PRKN: variants seen among roughly 807,000 people sequenced by gnomAD.
The protein encoded by PRKN is parkin RBR E3 ubiquitin protein ligase, also known as E3 ubiquitin-protein ligase parkin.
Under a neutral mutation model 59.5 loss-of-function variants are expected in PRKN, and 56 were observed. The observed-to-expected ratio is 0.94, with a 90% CI of 0.76 to 1.18. The LOEUF (loss-of-function observed/expected upper bound fraction) is 1.18, where lower values mean the gene tolerates loss of function less well. PRKN is among the 50% of genes most tolerant of loss of function. PRKN has a pLI of 0.00. For synonymous variants in PRKN, 250 were observed against 222.1 expected (o/e 1.13, Z -1.12); for missense variants, 657 against 596.4 (o/e 1.10, Z -1.06).
intron 4 of PRKN, among the ~76,000 whole-genome samples, chr6:162,106,443 A>G (rs1251840751): frequency 6.7e-6 from 1 of 149,018 alleles, no homozygotes; most frequent in Non-Finnish European, 1.5e-5. Flanking sequence ...GAAAGCATGT[A>G]TTACATCCAT....
intron 1 of PRKN, among the ~76,000 whole-genome samples, chr6:162,451,807 C>A (rs1182728836): frequency 1.3e-5 from 2 of 151,782 alleles, no homozygotes; most frequent in African/African-American, 4.8e-5. Flanking sequence ...AAGAATGGGG[C>A]AGAAAAATTT....
At chr6:162,304,436 C>T (rs980013780) in intron 2 of PRKN, among the ~76,000 whole-genome samples, 1 of 150,812 alleles carries the variant, frequency 6.6e-6, no homozygotes, top group East Asian at 1.9e-4. Flanking sequence ...AAACATACTT[C>T]TTGGAACCAA....
intron 4 of PRKN, among the ~76,000 whole-genome samples, chr6:162,148,825 T>C (rs1782138226): frequency 6.6e-6 from 1 of 152,132 alleles, no homozygotes; most frequent in African/African-American, 2.4e-5. Flanking sequence ...CAAGGATGGG[T>C]AGAAATTGAA....
chr6:161,916,819 G>A (rs990692719), intron 6 of PRKN, among the ~76,000 whole-genome samples: 2 of 151,556 alleles, frequency 1.3e-5, no homozygotes, highest in Admixed American at 1.3e-4. Context: ...TTTTTTTTGA[G>A]GCGGAGTCGC....
intron 4 of PRKN, among the ~76,000 whole-genome samples, chr6:162,103,402 TA>T (rs928579428): frequency 6.6e-6 from 1 of 152,040 alleles, no homozygotes; most frequent in Admixed American, 6.6e-5. Flanking sequence ...CAATGTAATT[TA>T]AAATAGGAAG....
rs193169754 is a variant in PRKN at position 161,533,004 on chromosome 6, C to G, written c.1083+15850G>C. 6.6e-6 allele frequency among the ~76,000 whole-genome samples: 1 copy of G among 152,012 alleles called. No individual in the cohort carries two copies. Among genetic ancestry groups the G allele is most frequent in the Non-Finnish European group, 1.5e-5 (1 of 68,004 alleles). ...CTATTTCAGACTTGTAAATATTAAA[C>G]TCATATTTTTAGATTTAAAAAAGGC... On this transcript the variant is annotated intron_variant, in intron 9 of 11. Transcript: ENST00000366898. This position sits in a 1 kb window ranked among gnomAD's most constrained non-coding sequence, Gnocchi z 4.1.
chr6:161,572,401 C>T (rs1039477189), intron 7 of PRKN, among the ~76,000 whole-genome samples: 10 of 151,990 alleles, frequency 6.6e-5, no homozygotes, highest in Non-Finnish European at 1.0e-4. Flanking sequence ...GTGGCTCACA[C>T]CTGTAATCCC....
chr6:161,360,818 A>T lies in PRKN; in HGVS notation c.1168-613T>A, dbSNP rs971768644. ...CTGTGAGTGAAGACTGTGGCCCTGG[A>T]ACCAGCTGTCTGGTTCAAATCCCAG... On this transcript the variant is annotated intron_variant, in intron 10 of 11. Transcript: ENST00000366898. The surrounding 1 kb of genome is among the most constrained non-coding windows in gnomAD (Gnocchi z 5.1). Among the ~76,000 whole-genome samples, 3 of 152,160 alleles carry T rather than the reference A, an allele frequency of 2.0e-5. No individual in the cohort carries two copies. The highest frequency in any genetic ancestry group is 7.2e-5 in the African/African-American group (3 of 41,422).
intron 1 of PRKN, among the ~76,000 whole-genome samples, chr6:162,606,980 T>A (rs1342043513): frequency 2.0e-5 from 3 of 152,068 alleles, no homozygotes; most frequent in African/African-American, 7.2e-5. Context: ...ACCAAAGTGC[T>A]GAGATTATAG....
At chr6:161,796,334 T>C (rs1790848047) in intron 6 of PRKN, among the ~76,000 whole-genome samples, 2 of 152,076 alleles carry the variant, frequency 1.3e-5, no homozygotes, top group Admixed American at 1.3e-4. Flanking sequence ...ATATTAGAAA[T>C]AAAAAAATTA....
rs1046926545 is a variant in PRKN, at chr6:162,589,658, C to T, written c.7+138004G>A. Reference sequence around the variant, plus strand: ...AATAATGAATGTGGCTCTAAGCCTTCCCAGATACTCATAACAGCAACATTT... The same window carrying T: ...AATAATGAATGTGGCTCTAAGCCTTTCCAGATACTCATAACAGCAACATTT... On this transcript the variant is annotated intron_variant, in intron 1 of 11. Transcript: ENST00000366898. Among the ~76,000 whole-genome samples, 4 of 152,254 alleles carry T rather than the reference C, an allele frequency of 2.6e-5. No homozygotes were observed. The East Asian group carries it at 5.8e-4, about 22-fold the overall frequency.
chr6:161,954,833 G>A (rs1236657693), intron 6 of PRKN, among the ~76,000 whole-genome samples: 2 of 152,254 alleles, frequency 1.3e-5, no homozygotes, highest in African/African-American at 2.4e-5. Context: ...CACAGTGCAG[G>A]CCTCCTAATC....
intron 4 of PRKN, among the ~76,000 whole-genome samples, chr6:162,100,868 T>C (rs1394512118): frequency 1.3e-5 from 2 of 152,220 alleles, no homozygotes; most frequent in African/African-American, 4.8e-5. Context: ...TGTTGGCCAT[T>C]TGTATGACTT....
At chr6:162,247,552 T>G (rs1779252245) in intron 3 of PRKN, among the ~76,000 whole-genome samples, 1 of 152,196 alleles carries the variant, frequency 6.6e-6, no homozygotes, top group South Asian at 2.1e-4. Context: ...GGGAAAATGA[T>G]CTCATAAAAC....
Position 161,964,418 on chromosome 6 carries a change from G to A in PRKN, c.734+8884C>T, listed in dbSNP as rs74569114. Among the ~76,000 whole-genome samples the A allele has an allele frequency of 9.2e-3, 1,403 of 151,982 alleles. 42 individuals carry two copies. Among genetic ancestry groups the A allele is most frequent in the African/African-American group, 0.032 (1,325 of 41,332 alleles). On this transcript the variant is annotated intron_variant, in intron 6 of 11. Transcript: ENST00000366898. The stretch of plus-strand genomic sequence containing the variant: ...CTCCCTCAAGACTGGATTAGATGAG[G>A]GTGTGTCACACTTTTCAGAAAAGAA...
intron 10 of PRKN, among the ~76,000 whole-genome samples, chr6:161,368,012 C>G (rs1582979370): frequency 6.6e-6 from 1 of 152,078 alleles, no homozygotes; most frequent in Admixed American, 6.6e-5. Context: ...CAGGCCCCTG[C>G]AGCCTTGATT....
intron 4 of PRKN, among the ~76,000 whole-genome samples, chr6:162,128,280 G>A (rs1583071768): frequency 6.6e-6 from 1 of 152,140 alleles, no homozygotes; most frequent in Non-Finnish European, 1.5e-5. Flanking sequence ...GAAGTGGATG[G>A]TAAAAAGTCA....
At chr6:162,550,323 T>G (rs1779288411) in intron 1 of PRKN, among the ~76,000 whole-genome samples, 1 of 151,930 alleles carries the variant, frequency 6.6e-6, no homozygotes, top group Non-Finnish European at 1.5e-5. Context: ...GAGAAAGAAA[T>G]AGAGCGTCTG....
chr6:162,217,404 A>T (rs1777729424), intron 3 of PRKN, among the ~76,000 whole-genome samples: 1 of 152,148 alleles, frequency 6.6e-6, no homozygotes, highest in Non-Finnish European at 1.5e-5. Flanking sequence ...TGTTTGAGAC[A>T]CAGTCTCCCT....
Sources: allele counts gnomAD v4.1 joint callset (sites outside exome capture counted in the v4.1 genomes callset), GRCh38; gene constraint gnomAD v4.1.1; non-coding constraint Gnocchi (gnomAD v3.1); transcripts MANE v1.5; gene names NCBI Gene and HGNC (gene_info 2026-07-23, HGNC 2026-07-21).